Variants in CISH observed in about 807,000 individuals in gnomAD.
CISH encodes the protein cytokine-inducible SH2-containing protein.
In CISH, 11 loss-of-function variants were observed where a neutral mutation model predicts 21.3. That is an observed-to-expected ratio of 0.52 (90% confidence interval 0.32 to 0.85). The LOEUF (loss-of-function observed/expected upper bound fraction) is 0.85. CISH is among the 40% of genes least tolerant of loss of function. The pLI, the probability that CISH is intolerant of heterozygous loss-of-function variation, is 0.03. For synonymous variants in CISH, 118 were observed against 142.3 expected (o/e 0.83, Z 1.22); for missense variants, 280 against 351.7 (o/e 0.80, Z 1.63).
chr3:50,608,935 T>G, intron 1 of CISH: 1 of 247,834 alleles, frequency 4.0e-6, no homozygotes, highest in East Asian at 7.5e-5. Flanking sequence ...ACCACACTGA[T>G]AGGATTCAGT....
At chr3:50,608,187 TG>T in intron 2 of CISH, 45 bp from the exon 3 acceptor site, 1 of 1,566,414 alleles carries the variant, frequency 6.4e-7, no homozygotes, top group Non-Finnish European at 8.7e-7. Flanking sequence ...GGAAATTAGC[TG>T]GGGTAACCAA....
Position 50,607,423 on chromosome 3 carries a change from T to C in CISH, c.*184A>G. ...CACATGCGGCCTGGGGGCATTTACC[T>C]CCAAGTTGTGTGACACCTCCCCTCT... is the stretch of plus-strand genomic sequence containing the variant. On this transcript the variant is annotated 3_prime_UTR_variant, in exon 3 of 3. Transcript: ENST00000348721. 1 of 635,698 alleles carries C rather than the reference T, an allele frequency of 1.6e-6. No homozygotes were observed. The allele number at this position is 635,698 out of a possible 1,614,324, so 39.4% of individuals were successfully genotyped here.
chr3:50,608,473 T>C lies in CISH; in HGVS notation c.141A>G (p.Ala47=), dbSNP rs1296257049. Residue 47 remains alanine, a synonymous_variant, in exon 2 of 3, where the codon GCA becomes GCG. Transcript: ENST00000348721. ...LPAGAFLEEV[A]EGTPAQTESE... ...TCTCTGTCTGGGCTGGGGTACCCTC[T>C]GCCACCTCCTCGAGGAAGGCCCCAG... The C allele has an allele frequency of 3.1e-6, 5 of 1,613,504 alleles. No homozygotes were observed. The highest frequency in any genetic ancestry group is 4.2e-6 in the Non-Finnish European group (5 of 1,179,774).
chr3:50,611,333 G>T, intron 1 of CISH: 2 of 1,323,894 alleles, frequency 1.5e-6, no homozygotes, highest in Non-Finnish European at 1.9e-6. Flanking sequence ...CTTGGGGGAC[G>T]CCGTGCCGTT....
chr3:50,608,298 T>A, intron 2 of CISH, 75 bp downstream of exon 2: 2 of 1,485,254 alleles, frequency 1.3e-6, no homozygotes, highest in Admixed American at 4.1e-5. Flanking sequence ...GCCTCCCAAA[T>A]CAGACTCAAA....
At chr3:50,609,442 G>T (rs2032257268) in intron 1 of CISH, 1 of 152,268 alleles carries the variant, frequency 6.6e-6, no homozygotes, top group African/African-American at 2.4e-5. Flanking sequence ...GCAATAAAGG[G>T]TCCCACCAAC....
intron 1 of CISH, chr3:50,610,648 C>A (rs1461077297): frequency 7.0e-7 from 1 of 1,425,728 alleles, no homozygotes; most frequent in African/African-American, 1.4e-5. Flanking sequence ...GAGGAAGGAA[C>A]TTGCTGGAGA....
rs2239752 is a variant in CISH at position 50,607,982 on chromosome 3, G to A, written c.402C>T (p.Ala134=). ...TGGAGTCCAGACGGAAGCTGGAGTC[G>A]GCATACTCAATGCGTACATTGGTGG... is the stretch of plus-strand genomic sequence containing the variant. The part of the protein sequence containing the change: ...RGPTNVRIEY[A]DSSFRLDSNC... The change falls in exon 3 of 3, where the codon GCC becomes GCT. Residue 134 remains alanine (A), a synonymous_variant. Coordinates refer to ENST00000348721, the MANE Select transcript of CISH (RefSeq NM_145071.4). 61,187 of 1,613,940 alleles carry A rather than the reference G, an allele frequency of 0.038. 6,930 individuals carry two copies. Among genetic ancestry groups the A allele is most frequent in the East Asian group, 0.33 (14,630 of 44,860 alleles).
At chr3:50,609,425 C>A (rs2032256391) in intron 1 of CISH, 1 of 152,294 alleles carries the variant, frequency 6.6e-6, no homozygotes. Flanking sequence ...TTCAGTTTCC[C>A]TTTTCCGCAA....
chr3:50,607,015 C>T lies in CISH; in HGVS notation c.*592G>A, dbSNP rs943082824. ...TTTCCACAGGGAAGAACCAGAGAAGCCAGGGCAGAGTTGGGGTCTCTGGAC... is the reference window on the plus strand; with the variant it reads ...TTTCCACAGGGAAGAACCAGAGAAGTCAGGGCAGAGTTGGGGTCTCTGGAC... On this transcript the variant is annotated 3_prime_UTR_variant, in exon 3 of 3. Coordinates refer to ENST00000348721, the MANE Select transcript of CISH (RefSeq NM_145071.4). 4.6e-5 allele frequency: 7 copies of T among 152,972 alleles called. No individual in the cohort carries two copies. Among genetic ancestry groups the T allele is most frequent in the Admixed American group, 3.9e-4 (6 of 15,396 alleles). 9.5% of individuals were successfully genotyped at this position (152,972 alleles called of 1,614,324 possible).
At chr3:50,611,083 G>C (rs2032309542) in intron 1 of CISH, 1 of 991,114 alleles carries the variant, frequency 1.0e-6, no homozygotes, top group African/African-American at 1.7e-5. Flanking sequence ...ACCCCAAGCA[G>C]GACCAGGCCA....
chr3:50,611,595 G>A (rs532551963), intron 1 of CISH, 36 bp downstream of exon 1: 1 of 1,522,912 alleles, frequency 6.6e-7, no homozygotes, highest in African/African-American at 1.4e-5. Flanking sequence ...TGCGCCCCTC[G>A]TGGTGGCCGG....
chr3:50,611,643 A>G lies in CISH; in HGVS notation c.8T>C (p.Leu3Pro). Reference protein sequence around the residue: MVLCVQGPRPLLA... With the variant: MVPCVQGPRPLLA... ...GAGCCGCGCTTACCCCTGAACGCAG[A>G]GGACCATGTCCCCGCGGCAGCGGCG... Residue 3 changes from leucine (L) to proline (P), a missense_variant, in exon 1 of 3, where the codon CTC becomes CCC. By Grantham distance (98) the Leu-to-Pro change is moderately conservative. Coordinates refer to ENST00000348721, the MANE Select transcript of CISH (RefSeq NM_145071.4). 6.6e-7 allele frequency: 1 copy of G among 1,505,248 alleles called. No homozygotes were observed. The highest frequency in any genetic ancestry group is 8.9e-7 in the Non-Finnish European group (1 of 1,127,300). The allele number at this position is 1,505,248 out of a possible 1,614,324, so 93.2% of individuals were successfully genotyped here.
At position 50,608,440 on chromosome 3, in the gene CISH, TG is replaced by T; in HGVS notation, c.173del (p.Pro58GlnfsTer13). On this transcript the variant is annotated frameshift_variant, in exon 2 of 3. Coordinates refer to ENST00000348721, the MANE Select transcript of CISH (RefSeq NM_145071.4). LOFTEE classifies it high-confidence loss of function. Reference sequence around the variant, plus strand: ...GATCCTCCTCTGGGTCCAGCACCTTTGGCTCACTCTCTGTCTGGGCTGGGGT... The same window carrying T: ...GATCCTCCTCTGGGTCCAGCACCTTTGCTCACTCTCTGTCTGGGCTGGGGT... ...EGTPAQTESE[P>X]KVLDPEEDLL... The T allele has an allele frequency of 6.2e-7, 1 of 1,613,790 alleles. No homozygotes were observed. The highest frequency in any genetic ancestry group is 8.5e-7 in the Non-Finnish European group (1 of 1,179,852).
chr3:50,610,326 G>A (rs2032284284), intron 1 of CISH: 1 of 1,546,132 alleles, frequency 6.5e-7, no homozygotes, highest in Non-Finnish European at 8.8e-7. Flanking sequence ...GTAGCTGGGT[G>A]TATGAATAGC....
In CISH at chr3:50,607,220, C is replaced by T. The variant is rs1559477307; in HGVS notation, c.*387G>A. 3 of 233,134 alleles carry T rather than the reference C, an allele frequency of 1.3e-5. No homozygotes were observed. 14.4% of individuals were successfully genotyped at this position (233,134 alleles called of 1,614,324 possible). ...CATGTCATCCTCCCAGAAACAGAGG[C>T]TGGCTGCCAGTAGGGGTCCTACCCG... is the stretch of plus-strand genomic sequence containing the variant. On this transcript the variant is annotated 3_prime_UTR_variant, in exon 3 of 3. Coordinates refer to ENST00000348721, the MANE Select transcript of CISH (RefSeq NM_145071.4).
Position 50,608,603 on chromosome 3 carries a change from A to G in CISH, c.21-10T>C. On this transcript the variant is annotated splice_polypyrimidine_tract_variant and intron_variant, in intron 1 of 2. Transcript: ENST00000348721. ...CAGCAAAGGACGAGGTCTAGAAGGC[A>G]GTGGATGAGCAGTGAGTGGAGGACC... 1 of 1,485,284 alleles carries G rather than the reference A, an allele frequency of 6.7e-7. No individual in the cohort carries two copies. Among genetic ancestry groups the G allele is most frequent in the Admixed American group, 2.4e-5 (1 of 41,610 alleles). 92.0% of individuals were successfully genotyped at this position (1,485,284 alleles called of 1,614,324 possible). A position where few individuals can be genotyped will look rare whatever the true frequency, so the allele number is the denominator to read the frequency against.
rs1307995450 is a variant in CISH at position 50,610,600 on chromosome 3, G to C, written c.20+1031C>G. On this transcript the variant is annotated intron_variant, in intron 1 of 2. Transcript: ENST00000348721. ...GGAGGCTCCTGGGGTGGAAGGCAGT[G>C]GTGGGGCAGGTATTCAGGAGTCCCA... 38 of 1,471,292 alleles carry C rather than the reference G, an allele frequency of 2.6e-5. No individual in the cohort carries two copies. The South Asian group carries it at 3.5e-4, about 13-fold the overall frequency. 91.1% of individuals were successfully genotyped at this position (1,471,292 alleles called of 1,614,324 possible). A position where few individuals can be genotyped will look rare whatever the true frequency, so the allele number is the denominator to read the frequency against.
Position 50,611,746 on chromosome 3 carries a change from C to A in CISH, c.-96G>T. 7.2e-7 allele frequency: 1 copy of A among 1,386,188 alleles called. No individual in the cohort carries two copies. The highest frequency in any genetic ancestry group is 9.3e-7 in the Non-Finnish European group (1 of 1,071,372). 85.9% of individuals were successfully genotyped at this position (1,386,188 alleles called of 1,614,324 possible). A position where few individuals can be genotyped will look rare whatever the true frequency, so the allele number is the denominator to read the frequency against. ...CGCGGAGCGCGTGCTGGGTAGGCTC[C>A]CGGGGCGCGCGGGCGCAGGACAGGG... On this transcript the variant is annotated 5_prime_UTR_variant, in exon 1 of 3. Transcript: ENST00000348721.
Sources: allele counts gnomAD v4.1 joint callset, GRCh38; gene constraint gnomAD v4.1.1; transcripts MANE v1.5; gene names NCBI Gene and HGNC (gene_info 2026-07-23, HGNC 2026-07-21).